PTPRD: variants seen among roughly 807,000 people sequenced by gnomAD.
PTPRD encodes the protein protein tyrosine phosphatase receptor type D, also known as receptor-type tyrosine-protein phosphatase delta.
Under a neutral mutation model 214.5 loss-of-function variants are expected in PTPRD, and 34 were observed. The ratio of observed to expected loss-of-function variants is 0.16; its 90% CI spans 0.12 to 0.21. The LOEUF is 0.21. Among genes scored for constraint, PTPRD ranks in the 10% least tolerant of loss-of-function variants. The probability of loss-of-function intolerance (pLI) is 1.00; values close to 1 mark genes in which losing one functional copy is unlikely to be tolerated. For missense variants in PTPRD, 2,545 were observed against 2,398.7 expected, an observed-to-expected ratio of 1.06 and a Z score of -1.27; for synonymous variants, 1,128 against 845.7, an observed-to-expected ratio of 1.33 and a Z score of -5.79.
At chr9:9,533,958 G>A (rs1328405519) in intron 8 of PTPRD, among the ~76,000 whole-genome samples, 8 of 151,908 alleles carry the variant, frequency 5.3e-5, no homozygotes, top group Admixed American at 3.9e-4. Flanking sequence ...ATAATTATAT[G>A]ATGTGTCAAG....
At chr9:9,535,058 T>C (rs1350356383) in intron 8 of PTPRD, among the ~76,000 whole-genome samples, 2 of 152,048 alleles carry the variant, frequency 1.3e-5, no homozygotes, top group Non-Finnish European at 2.9e-5. Context: ...CATCTTTAAA[T>C]ATGGAAAAGT....
chr9:8,589,766 G>C (rs1189354522), intron 14 of PTPRD, among the ~76,000 whole-genome samples: 1 of 152,182 alleles, frequency 6.6e-6, no homozygotes. Flanking sequence ...CCGTTTGAAT[G>C]AGAAACTTGA....
At chr9:8,445,092 C>T (rs1209286118) in intron 34 of PTPRD, among the ~76,000 whole-genome samples, 3 of 152,106 alleles carry the variant, frequency 2.0e-5, no homozygotes, top group African/African-American at 7.2e-5. Context: ...ACTTATTTTG[C>T]CCATCTTATT....
At chr9:9,656,286 C>T (rs1481203312) in intron 7 of PTPRD, among the ~76,000 whole-genome samples, 1 of 152,130 alleles carries the variant, frequency 6.6e-6, no homozygotes, top group Non-Finnish European at 1.5e-5. Flanking sequence ...GCGTTGAAAA[C>T]TTATGTCCAC....
chr9:10,569,294 A>T (rs1237384248), intron 2 of PTPRD, among the ~76,000 whole-genome samples: 2 of 152,106 alleles, frequency 1.3e-5, no homozygotes, highest in East Asian at 3.9e-4. Flanking sequence ...TGTTTAGAGT[A>T]AGACTTTACT....
chr9:9,683,011 G>T (rs540370155), intron 7 of PTPRD, among the ~76,000 whole-genome samples: 48 of 151,884 alleles, frequency 3.2e-4, no homozygotes, highest in African/African-American at 1.1e-3. Context: ...AAGCTAGATA[G>T]ACATATTGGG....
At chr9:8,797,141 T>G (rs1234551401) in intron 11 of PTPRD, 2 of 152,138 alleles carry the variant, frequency 1.3e-5, no homozygotes, top group Non-Finnish European at 2.9e-5. Context: ...TAAAATAAAT[T>G]CAAGCTTTTC....
At chr9:9,066,350 G>T (rs890573491) in intron 10 of PTPRD, among the ~76,000 whole-genome samples, 24 of 151,964 alleles carry the variant, frequency 1.6e-4, no homozygotes, top group Non-Finnish European at 2.8e-4. Context: ...TAAAAGAAAT[G>T]ACAAGTCATA....
chr9:9,351,292 A>G (rs1045818177), intron 9 of PTPRD, among the ~76,000 whole-genome samples: 1 of 152,080 alleles, frequency 6.6e-6, no homozygotes, highest in Non-Finnish European at 1.5e-5. Flanking sequence ...AAAGGTAATC[A>G]GAACACAGAA....
At chr9:8,802,373 G>A (rs893269239) in intron 11 of PTPRD, among the ~76,000 whole-genome samples, 1 of 152,084 alleles carries the variant, frequency 6.6e-6, no homozygotes, top group Non-Finnish European at 1.5e-5. Context: ...CCATTAATAC[G>A]CTTCATATGC....
chr9:8,770,043 G>T (rs924146006), intron 11 of PTPRD, among the ~76,000 whole-genome samples: 2 of 152,178 alleles, frequency 1.3e-5, no homozygotes, highest in Non-Finnish European at 2.9e-5. Context: ...CACTTTGGGA[G>T]GCCGAGGCCG....
intron 5 of PTPRD, among the ~76,000 whole-genome samples, chr9:9,814,308 G>A (rs200676573): frequency 6.7e-4 from 95 of 142,524 alleles, no homozygotes; most frequent in African/African-American, 7.0e-4. Context: ...AGGTAAGAAA[G>A]AAAAAAAAAA....
intron 14 of PTPRD, among the ~76,000 whole-genome samples, chr9:8,546,594 T>C (rs146200647): frequency 8.9e-4 from 135 of 151,896 alleles, no homozygotes; most frequent in African/African-American, 3.1e-3. Flanking sequence ...TGCCTCCCAG[T>C]TTCAAGAGAT....
intron 8 of PTPRD, among the ~76,000 whole-genome samples, chr9:9,477,868 T>C (rs904556315): frequency 3.3e-5 from 5 of 152,178 alleles, no homozygotes; most frequent in Non-Finnish European, 7.4e-5. Flanking sequence ...TGCTTAATCT[T>C]TGTTGATTCT....
chr9:9,956,879 T>C (rs1386160434), intron 4 of PTPRD, among the ~76,000 whole-genome samples: 1 of 152,168 alleles, frequency 6.6e-6, no homozygotes, highest in Non-Finnish European at 1.5e-5. Context: ...TTGTAATCAA[T>C]ATCAACTTTA....
chr9:8,749,132 C>A (rs1598644703), intron 11 of PTPRD, among the ~76,000 whole-genome samples: 1 of 151,932 alleles, frequency 6.6e-6, no homozygotes, highest in African/African-American at 2.4e-5. Context: ...TTTTCCTAGG[C>A]CATATAAATA....
At chr9:8,484,468 T>G in intron 29 of PTPRD, 90 bp from the exon 30 acceptor site, 1 of 1,292,164 alleles carries the variant, frequency 7.7e-7, no homozygotes, top group Non-Finnish European at 1.0e-6. Flanking sequence ...TTTTGGAAAA[T>G]GTATATATAG....
In PTPRD at chr9:10,410,359, C is replaced by G. The variant is rs1214194968; in HGVS notation, c.-599-69342G>C. On this transcript the variant is annotated intron_variant, in intron 2 of 45. Transcript: ENST00000381196. ...TTTACATATTCCTCTCTCTGCATCT[C>G]TATCTTAAGTCTTCAACCCAAACAA... is the stretch of plus-strand genomic sequence containing the variant. Among the ~76,000 whole-genome samples the G allele has an allele frequency of 2.7e-5, 4 of 149,528 alleles. No homozygotes were observed. The East Asian group carries it at 8.0e-4, about 30-fold the overall frequency.
At chr9:10,445,435 A>G (rs891457691) in intron 2 of PTPRD, among the ~76,000 whole-genome samples, 1 of 152,148 alleles carries the variant, frequency 6.6e-6, no homozygotes, top group Non-Finnish European at 1.5e-5. Flanking sequence ...GGAGGTCTAC[A>G]CTACTGCTAT....
Sources: allele counts gnomAD v4.1 joint callset (sites outside exome capture counted in the v4.1 genomes callset), GRCh38; gene constraint gnomAD v4.1.1; transcripts MANE v1.5; gene names NCBI Gene and HGNC (gene_info 2026-07-23, HGNC 2026-07-21).